FAM193B: variants seen among roughly 807,000 people sequenced by gnomAD.
FAM193B encodes the protein protein FAM193B.
In FAM193B, 27 loss-of-function variants were observed where a neutral mutation model predicts 70.7. The ratio of observed to expected loss-of-function variants is 0.38; its 90% CI spans 0.28 to 0.53. The LOEUF (loss-of-function observed/expected upper bound fraction) is 0.53, where lower values mean the gene tolerates loss of function less well. Ranked by LOEUF, FAM193B falls within the 20% of genes least tolerant of loss-of-function variation. The probability of loss-of-function intolerance (pLI) is 0.81; values close to 1 mark genes in which losing one functional copy is unlikely to be tolerated. For synonymous variants in FAM193B, 448 were observed against 436.0 expected (o/e 1.03, Z -0.34); for missense variants, 1,022 against 1,072.5 (o/e 0.95, Z 0.66).
intron 3 of FAM193B, among the ~76,000 whole-genome samples, chr5:177,537,131 TA>T (rs1281097329): frequency 6.6e-6 from 1 of 152,150 alleles, no homozygotes; most frequent in Non-Finnish European, 1.5e-5. Flanking sequence ...GTGCCACGTG[TA>T]CCACAGCAGC....
chr5:177,523,861 G>A, intron 7 of FAM193B, 96 bp downstream of exon 7: 1 of 1,375,730 alleles, frequency 7.3e-7, no homozygotes, highest in East Asian at 2.3e-5. Flanking sequence ...GGCCAAGGGA[G>A]CAGGCCTTTC....
At chr5:177,522,685 T>C (rs2127445165) in intron 7 of FAM193B, among the ~76,000 whole-genome samples, 1 of 152,202 alleles carries the variant, frequency 6.6e-6, no homozygotes, top group East Asian at 1.9e-4. Flanking sequence ...AAATACCTAA[T>C]ACAATGTAAA....
Position 177,554,478 on chromosome 5 carries a change from C to T in FAM193B, c.-20G>A. The T allele has an allele frequency of 1.1e-6, 1 of 915,242 alleles. No individual in the cohort carries two copies. Among genetic ancestry groups the T allele is most frequent in the Non-Finnish European group, 1.2e-6 (1 of 806,296 alleles). 56.7% of individuals were successfully genotyped at this position (915,242 alleles called of 1,614,324 possible). Reference sequence around the variant, plus strand: ...CGTCATGCCGCCGCTCGCGCCGCTCCCTCGCTCCACACGCCGCCGCCGCCG... The same window carrying T: ...CGTCATGCCGCCGCTCGCGCCGCTCTCTCGCTCCACACGCCGCCGCCGCCG... On this transcript the variant is annotated 5_prime_UTR_variant, in exon 1 of 9. Transcript: ENST00000514747.
intron 1 of FAM193B, among the ~76,000 whole-genome samples, chr5:177,542,190 C>T (rs1048574134): frequency 1.3e-5 from 2 of 152,238 alleles, no homozygotes; most frequent in African/African-American, 4.8e-5. Flanking sequence ...ATCAGTGTGA[C>T]TGCACTTAGT....
At position 177,532,700 on chromosome 5, in the gene FAM193B, A is replaced by C; in HGVS notation, c.1077-59T>G. ...AGGGTGATGCAGAAACCCAGGAAGC[A>C]TCCCAACCACCACCTGCCATCCTGA... On this transcript the variant is annotated intron_variant, in intron 4 of 8. Coordinates refer to ENST00000514747, the MANE Select transcript of FAM193B (RefSeq NM_001190946.3). This position sits in a 1 kb window ranked among gnomAD's most constrained non-coding sequence, Gnocchi z 4.9. 2 of 1,421,458 alleles carry C rather than the reference A, an allele frequency of 1.4e-6. No homozygotes were observed. Among genetic ancestry groups the C allele is most frequent in the South Asian group, 3.1e-5 (2 of 64,290 alleles). The allele number at this position is 1,421,458 out of a possible 1,614,324, so 88.1% of individuals were successfully genotyped here. A position where few individuals can be genotyped will look rare whatever the true frequency, so the allele number is the denominator to read the frequency against.
chr5:177,543,666 T>C (rs1282583121), intron 1 of FAM193B, among the ~76,000 whole-genome samples: 2 of 152,256 alleles, frequency 1.3e-5, no homozygotes, highest in Non-Finnish European at 2.9e-5. Flanking sequence ...GTTATATTTA[T>C]AGTCAGTAAT....
At chr5:177,536,324 G>A (rs553417391) in intron 4 of FAM193B, 34 bp downstream of exon 4, 1 of 1,601,142 alleles carries the variant, frequency 6.2e-7, no homozygotes, top group Admixed American at 1.7e-5. Context: ...AGTTCAAGTG[G>A]GTAGCGAGTT....
At chr5:177,554,078 G>A (rs1405640656) in intron 1 of FAM193B, 171 bp downstream of exon 1, 26 of 1,374,802 alleles carry the variant, frequency 1.9e-5, no homozygotes, top group East Asian at 3.1e-5. Context: ...TGGGGAGAGG[G>A]GTCCAGCCTC....
rs995332193 is a variant in FAM193B, at chr5:177,540,683, G to A, written c.211-1536C>T. Among the ~76,000 whole-genome samples the A allele has an allele frequency of 2.0e-5, 3 of 152,198 alleles. No homozygotes were observed. In the East Asian group the frequency reaches 5.8e-4, roughly 29 times the overall value. On this transcript the variant is annotated intron_variant, in intron 1 of 8. Coordinates refer to ENST00000514747, the MANE Select transcript of FAM193B (RefSeq NM_001190946.3). ...CCAGCTGATTGGCCAGCTGATCAGA[G>A]AAACATGAGTGAGCCCAGCCGAGAG... is the stretch of plus-strand genomic sequence containing the variant.
rs759327604 is a variant in FAM193B at position 177,538,888 on chromosome 5, T to G, written c.453+17A>C. The G allele has an allele frequency of 6.2e-6, 10 of 1,612,782 alleles. 1 individual carries two copies. The South Asian group carries it at 1.1e-4, about 18-fold the overall frequency. ...GAGCCCTCCTGCATTCAGGGACCCC[T>G]GTCAGCGGTTACCTACCGCCACTGC... On this transcript the variant is annotated intron_variant, in intron 2 of 8. Transcript: ENST00000514747. This position sits in a 1 kb window ranked among gnomAD's most constrained non-coding sequence, Gnocchi z 4.1.
At chr5:177,527,509 A>C (rs953704234) in intron 5 of FAM193B, among the ~76,000 whole-genome samples, 14 of 152,228 alleles carry the variant, frequency 9.2e-5, no homozygotes, top group Non-Finnish European at 8.8e-5. Context: ...AGAAACATTG[A>C]TGGCCACTAT....
At chr5:177,531,957 T>C in intron 5 of FAM193B, 1 of 1,280,332 alleles carries the variant, frequency 7.8e-7, no homozygotes, top group Admixed American at 2.4e-5. Flanking sequence ...CTTCACCTTA[T>C]GAGACTTCTG....
rs184871979 is a variant in FAM193B at position 177,541,654 on chromosome 5, C to T, written c.211-2507G>A. Among the ~76,000 whole-genome samples the T allele has an allele frequency of 2.0e-3, 302 of 152,252 alleles. 1 individual carries two copies. Among genetic ancestry groups the T allele is most frequent in the African/African-American group, 6.6e-3 (275 of 41,546 alleles). On this transcript the variant is annotated intron_variant, in intron 1 of 8. Coordinates refer to ENST00000514747, the MANE Select transcript of FAM193B (RefSeq NM_001190946.3). ...CAGGATGGTCTCAATCTCCTGACCTCGTGATCCGCCCGCCTCGGCCTCCCA... is the reference window on the plus strand; with the variant it reads ...CAGGATGGTCTCAATCTCCTGACCTTGTGATCCGCCCGCCTCGGCCTCCCA...
At chr5:177,537,662 T>G (rs1764331607) in intron 3 of FAM193B, among the ~76,000 whole-genome samples, 1 of 152,148 alleles carries the variant, frequency 6.6e-6, no homozygotes. Flanking sequence ...AGGCAAACGT[T>G]TTTCTATTAG....
At chr5:177,537,718 T>C (rs373460493) in intron 3 of FAM193B, among the ~76,000 whole-genome samples, 155 bp downstream of exon 3, 2 of 152,326 alleles carry the variant, frequency 1.3e-5, no homozygotes, top group South Asian at 2.1e-4. Context: ...GTTCCAGAAA[T>C]AGTCAAGGTC....
intron 1 of FAM193B, among the ~76,000 whole-genome samples, chr5:177,549,534 G>A (rs1187531846): frequency 6.6e-6 from 1 of 152,232 alleles, no homozygotes; most frequent in African/African-American, 2.4e-5. Context: ...CCAAGAGGCT[G>A]AAACACTTGC....
chr5:177,550,983 A>ATG (rs1387364880), intron 1 of FAM193B, among the ~76,000 whole-genome samples: 3 of 148,870 alleles, frequency 2.0e-5, no homozygotes, highest in African/African-American at 7.4e-5. Context: ...GTGTGAACCC[A>ATG]TGCCCAGCTA....
rs1763546428 is a variant in FAM193B at position 177,532,057 on chromosome 5, C to T, written c.1275+386G>A. ...TCTGTGCTCACGGCCTGTCCCTCGG[C>T]TGGCTGTCACACTTGGGGGACTGAG... On this transcript the variant is annotated intron_variant, in intron 5 of 8. Transcript: ENST00000514747. This position sits in a 1 kb window ranked among gnomAD's most constrained non-coding sequence, Gnocchi z 4.9. 2 of 1,294,562 alleles carry T rather than the reference C, an allele frequency of 1.5e-6. No individual in the cohort carries two copies. The highest frequency in any genetic ancestry group is 3.0e-5 in the African/African-American group (2 of 66,222). The allele number at this position is 1,294,562 out of a possible 1,614,324, so 80.2% of individuals were successfully genotyped here.
chr5:177,537,041 C>A (rs1764258395), intron 3 of FAM193B, among the ~76,000 whole-genome samples: 1 of 152,184 alleles, frequency 6.6e-6, no homozygotes, highest in Non-Finnish European at 1.5e-5. Context: ...TCTCTAGGAT[C>A]TGCTTGTACA....
Sources: gnomAD v4.1 joint callset for allele counts (sites outside exome capture counted in the v4.1 genomes callset) on GRCh38, gnomAD v4.1.1 for gene constraint, Gnocchi (gnomAD v3.1) non-coding constraint, MANE v1.5 for transcripts, NCBI Gene and HGNC (gene_info 2026-07-23, HGNC 2026-07-21) for gene names.